NUP205: variants seen among roughly 807,000 people sequenced by gnomAD.
NUP205 encodes the protein nuclear pore complex protein Nup205.
In NUP205, 76 loss-of-function variants were observed where a neutral mutation model predicts 253.8. The observed-to-expected ratio is 0.30, with a 90% CI of 0.25 to 0.36. The LOEUF is 0.36. Ranked by LOEUF, NUP205 falls within the 10% of genes least tolerant of loss-of-function variation. The pLI, the probability that NUP205 is intolerant of heterozygous loss-of-function variation, is 1.00. For missense variants in NUP205, 2,162 were observed against 2,425.5 expected, an observed-to-expected ratio of 0.89 and a Z score of 2.28; for synonymous variants, 832 against 850.1, an observed-to-expected ratio of 0.98 and a Z score of 0.37.
chr7:135,601,726 G>T (rs1200567606), intron 17 of NUP205, among the ~76,000 whole-genome samples: 1 of 152,172 alleles, frequency 6.6e-6, no homozygotes, highest in Non-Finnish European at 1.5e-5. Flanking sequence ...GTGTTTCACT[G>T]CAGGGTCTTT....
At position 135,606,854 on chromosome 7, in the gene NUP205, T is replaced by C. The variant is rs149295992; in HGVS notation, c.3009T>C (p.Ala1003=). 2.6e-4 allele frequency: 415 copies of C among 1,614,062 alleles called. 6 individuals are homozygous for C. The East Asian group carries it at 6.7e-3, about 26-fold the overall frequency. Reference sequence around the variant, plus strand: ...TGGAATGCAATCCACCCAATCTTGCTCTCTACCTGTTGGGCTTTGAATTGA... The same window carrying C: ...TGGAATGCAATCCACCCAATCTTGCCCTCTACCTGTTGGGCTTTGAATTGA... ...TSLECNPPNL[A]LYLLGFELKK... The change falls in exon 21 of 43, where the codon GCT becomes GCC. Residue 1003 remains alanine, a synonymous_variant. Transcript: ENST00000285968.
Position 135,630,366 on chromosome 7 carries a change from A to C in NUP205, c.4955A>C (p.His1652Pro). The change falls in exon 35 of 43, where the codon CAT becomes CCT. Residue 1652 changes from histidine to proline, a missense_variant. His to Pro is a moderately conservative substitution (Grantham distance 77, BLOSUM62 -2). Around this residue, in one of 5 missense-constraint regions of NUP205, gnomAD observed 1,144 missense variants for 1,280.9 expected, o/e 0.89. Transcript: ENST00000285968. ...AGQVLQFLISHSDTIQAILRC... is the reference protein window; with the variant it reads ...AGQVLQFLISPSDTIQAILRC... Reference sequence around the variant, plus strand: ...TAGGTATTGCAGTTTCTTATTTCACATTCTGATACCATACAAGCAATTCTG... The same window carrying C: ...TAGGTATTGCAGTTTCTTATTTCACCTTCTGATACCATACAAGCAATTCTG... 1 of 1,593,724 alleles carries C rather than the reference A, an allele frequency of 6.3e-7. No individual in the cohort carries two copies. The highest frequency in any genetic ancestry group is 8.5e-7 in the Non-Finnish European group (1 of 1,171,880).
In NUP205 at chr7:135,639,690, C is replaced by CAA. The variant is rs34071969; in HGVS notation, c.5392+1023_5392+1024dup. Among the ~76,000 whole-genome samples the CAA allele has an allele frequency of 8.0e-3, 853 of 106,634 alleles. 10 individuals are homozygous for CAA. Among genetic ancestry groups the CAA allele is most frequent in the East Asian group, 0.063 (236 of 3,726 alleles). The allele number at this position is 106,634 out of a possible 152,430, so 70.0% of individuals were successfully genotyped here. On this transcript the variant is annotated intron_variant, in intron 38 of 42. Coordinates refer to ENST00000285968, the MANE Select transcript of NUP205 (RefSeq NM_015135.3). Reference sequence around the variant, plus strand: ...TGGGCTACAGAGTGAGACTTTGTCTCAAAAAAAAAAAAAAAAATTAGTTTA... The same window carrying CAA: ...TGGGCTACAGAGTGAGACTTTGTCTCAAAAAAAAAAAAAAAAAAATTAGTTTA...
At chr7:135,573,549 C>A in intron 2 of NUP205, 105 bp from the exon 3 acceptor site, 1 of 721,454 alleles carries the variant, frequency 1.4e-6, no homozygotes, top group Non-Finnish European at 2.2e-6. Flanking sequence ...TTCTGTTTGT[C>A]ATGTTACCAG....
chr7:135,571,045 C>A (rs1584639376), intron 1 of NUP205, 60 bp from the exon 2 acceptor site: 1 of 1,392,686 alleles, frequency 7.2e-7, no homozygotes, highest in East Asian at 2.7e-5. Flanking sequence ...ATGGTAACCT[C>A]ACATTATTTT....
intron 35 of NUP205, among the ~76,000 whole-genome samples, chr7:135,631,765 T>TC (rs1794718461): frequency 6.6e-6 from 1 of 151,530 alleles, no homozygotes; most frequent in Admixed American, 6.6e-5. Flanking sequence ...TCTTTTTTTT[T>TC]TTGAGACGGA....
In NUP205 at chr7:135,606,910, A is replaced by AT. The variant is rs1794098667; in HGVS notation, c.3066dup (p.Pro1023SerfsTer39). On this transcript the variant is annotated frameshift_variant, in exon 21 of 43. Coordinates refer to ENST00000285968, the MANE Select transcript of NUP205 (RefSeq NM_015135.3). LOFTEE classifies it high-confidence loss of function. ...CCTGTCAGTACTACAAACCTACAAG[A>AT]TCCAGGTATAGCCTAAGACATAAAG... 6.2e-7 allele frequency: 1 copy of AT among 1,613,622 alleles called. No individual in the cohort carries two copies. The highest frequency in any genetic ancestry group is 1.3e-5 in the African/African-American group (1 of 74,914).
intron 26 of NUP205, 65 bp downstream of exon 26, chr7:135,617,312 C>G: frequency 7.0e-7 from 1 of 1,418,470 alleles, no homozygotes; most frequent in Admixed American, 2.1e-5. Context: ...TCATCAGAAA[C>G]AAATAGAACC....
At chr7:135,579,055 T>C (rs2129489889) in intron 7 of NUP205, 140 bp downstream of exon 7, 1 of 545,694 alleles carries the variant, frequency 1.8e-6, no homozygotes, top group South Asian at 4.4e-5. Context: ...AAACCTTTAG[T>C]GTAGTAGTGA....
chr7:135,617,863 C>G (rs1794393595), intron 27 of NUP205, among the ~76,000 whole-genome samples, 181 bp downstream of exon 27: 2 of 150,318 alleles, frequency 1.3e-5, no homozygotes, highest in Admixed American at 6.7e-5. Context: ...TCTGGTATGC[C>G]AAAATAAATA....
chr7:135,616,849 G>A (rs1794372007), intron 25 of NUP205, 123 bp downstream of exon 25: 2 of 663,724 alleles, frequency 3.0e-6, no homozygotes, highest in East Asian at 6.2e-5. Context: ...GTTATATAAA[G>A]GATTAATTGC....
Position 135,580,608 on chromosome 7 carries a change from G to T in NUP205, c.1042+1693G>T, listed in dbSNP as rs866906601. Among the ~76,000 whole-genome samples, 4 of 151,838 alleles carry T rather than the reference G, an allele frequency of 2.6e-5. No homozygotes were observed. The South Asian group carries it at 8.3e-4, about 32-fold the overall frequency. On this transcript the variant is annotated intron_variant, in intron 7 of 42. Transcript: ENST00000285968. ...CTCCGGAGTACCTGGGACTATAGTC[G>T]CACGCCGCCACACCCAGCTAAGTTT...
At chr7:135,567,132 A>ATC (rs1563108034) in intron 1 of NUP205, among the ~76,000 whole-genome samples, 1 of 6,224 alleles carries the variant, frequency 1.6e-4, no homozygotes, top group South Asian at 4.1e-3. Flanking sequence ...ATGTGTGTAT[A>ATC]TATATATATA....
intron 4 of NUP205, 26 bp from the exon 5 acceptor site, chr7:135,576,943 A>C: frequency 1.3e-6 from 2 of 1,593,454 alleles, no homozygotes; most frequent in Non-Finnish European, 1.7e-6. Context: ...TGTTTAACGT[A>C]GTTTATTGAT....
At chr7:135,605,618 CAG>C (rs78422996) in intron 19 of NUP205, among the ~76,000 whole-genome samples, 5,968 of 152,198 alleles carry the variant, frequency 0.039, 226 homozygotes, top group African/African-American at 0.098. Context: ...TTGTGATAAT[CAG>C]GGGATGCTGA....
At chr7:135,561,377 C>G (rs1355926582) in intron 1 of NUP205, among the ~76,000 whole-genome samples, 3 of 152,024 alleles carry the variant, frequency 2.0e-5, no homozygotes, top group Non-Finnish European at 4.4e-5. Context: ...ACAAAAAAAC[C>G]TATGCTTGTA....
Position 135,587,613 on chromosome 7 carries a change from A to G in NUP205, c.1257A>G (p.Arg419=). The G allele has an allele frequency of 6.2e-7, 1 of 1,608,530 alleles. No homozygotes were observed. The highest frequency in any genetic ancestry group is 8.5e-7 in the Non-Finnish European group (1 of 1,177,446). Reference sequence around the variant, plus strand: ...GGAATCGGGCAGATGAAGATGCTCGAATGATTCACATGAGTATGCAGATGG... The same window carrying G: ...GGAATCGGGCAGATGAAGATGCTCGGATGATTCACATGAGTATGCAGATGG... The part of the protein sequence containing the change: ...QLRNRADEDA[R]MIHMSMQMGN... Residue 419 remains arginine (R), a synonymous_variant, in exon 9 of 43, where the codon CGA becomes CGG. Transcript: ENST00000285968.
chr7:135,598,603 G>C (rs28582797), intron 15 of NUP205, among the ~76,000 whole-genome samples: 60,654 of 152,038 alleles, frequency 0.4, 12,944 homozygotes, highest in Middle Eastern at 0.56. Flanking sequence ...CTGGGTTGTG[G>C]AGTACTGGTT....
At chr7:135,637,384 G>A (rs914160726) in intron 36 of NUP205, among the ~76,000 whole-genome samples, 7 of 151,890 alleles carry the variant, frequency 4.6e-5, no homozygotes, top group Admixed American at 4.6e-4. Flanking sequence ...AGAACCATGG[G>A]AAATACTGTA....
Sources: gnomAD v4.1 joint callset for allele counts (sites outside exome capture counted in the v4.1 genomes callset) on GRCh38, gnomAD v4.1.1 for gene constraint, gnomAD v4.1.1 regional missense constraint, MANE v1.5 for transcripts, NCBI Gene and HGNC (gene_info 2026-07-23, HGNC 2026-07-21) for gene names.